RGS6: variants seen among roughly 807,000 people sequenced by gnomAD.
The protein encoded by RGS6 is regulator of G protein signaling 6.
In RGS6, 30 loss-of-function variants were observed where a neutral mutation model predicts 78.5. That is an observed-to-expected ratio of 0.38 (90% CI 0.29 to 0.52). RGS6 has a LOEUF of 0.52. Among genes scored for constraint, RGS6 ranks in the 20% least tolerant of loss-of-function variants. The probability of loss-of-function intolerance (pLI) is 0.85; values close to 1 mark genes in which losing one functional copy is unlikely to be tolerated. For synonymous variants in RGS6, 206 were observed against 206.0 expected, an observed-to-expected ratio of 1.00 and a Z score of 0.00; for missense variants, 495 against 609.7, an observed-to-expected ratio of 0.81 and a Z score of 1.98.
At chr14:72,033,582 G>C (rs1473957484) in intron 2 of RGS6, among the ~76,000 whole-genome samples, 1 of 152,150 alleles carries the variant, frequency 6.6e-6, no homozygotes, top group Non-Finnish European at 1.5e-5. Flanking sequence ...ACTGGAAATG[G>C]TGGCTCTTTG....
intron 3 of RGS6, among the ~76,000 whole-genome samples, chr14:72,402,801 T>TG (rs2092578253): frequency 7.1e-6 from 1 of 140,656 alleles, no homozygotes; most frequent in East Asian, 2.0e-4. Flanking sequence ...TTTTTTTTTT[T>TG]TTTTTTTTTT....
At chr14:72,211,702 G>A (rs1161107059) in intron 2 of RGS6, among the ~76,000 whole-genome samples, 2 of 152,038 alleles carry the variant, frequency 1.3e-5, no homozygotes, top group African/African-American at 4.8e-5. Context: ...GAATAGACTT[G>A]GGATACGAAG....
chr14:72,587,113 C>T, the RGS6 span, among the ~76,000 whole-genome samples: 16,206 of 152,098 alleles, frequency 0.11, 2,490 homozygotes, highest in African/African-American at 0.34. Context: ...GGGTCAGCCA[C>T]GTCTCTGTGT....
intron 2 of RGS6, among the ~76,000 whole-genome samples, chr14:72,296,095 A>G (rs372298768): frequency 6.6e-5 from 10 of 152,342 alleles, no homozygotes; most frequent in African/African-American, 2.4e-4. Flanking sequence ...AGGACTTTGT[A>G]TAAATGGAAT....
At chr14:71,869,743 TC>T in the RGS6 span, among the ~76,000 whole-genome samples, 1 of 152,208 alleles carries the variant, frequency 6.6e-6, no homozygotes, top group Non-Finnish European at 1.5e-5. Context: ...TGAATATTTG[TC>T]CCCTCAAAAC....
At chr14:72,469,310 G>A (rs1401509632) in intron 7 of RGS6, among the ~76,000 whole-genome samples, 4 of 151,478 alleles carry the variant, frequency 2.6e-5, no homozygotes, top group South Asian at 4.2e-4. Flanking sequence ...GGGTTCAAGC[G>A]ACTCTCCTCC....
chr14:72,585,606 G>A, the RGS6 span, among the ~76,000 whole-genome samples: 128 of 152,332 alleles, frequency 8.4e-4, 1 homozygote, highest in African/African-American at 2.8e-3. Context: ...ACCAGTCATT[G>A]GATGTGGGCT....
At chr14:72,401,807 T>C (rs962488901) in intron 3 of RGS6, among the ~76,000 whole-genome samples, 3 of 152,192 alleles carry the variant, frequency 2.0e-5, no homozygotes, top group South Asian at 2.1e-4. Flanking sequence ...GATTGGAGTC[T>C]TGCCAAACAT....
chr14:72,422,584 G>C (rs2153110567), intron 3 of RGS6, among the ~76,000 whole-genome samples: 1 of 152,266 alleles, frequency 6.6e-6, no homozygotes, highest in South Asian at 2.1e-4. Context: ...AAGAGACTGG[G>C]AGAGCCCTAT....
In RGS6 at chr14:72,459,536, G is replaced by A. The variant is rs115874212; in HGVS notation, c.343-96G>A. The A allele has an allele frequency of 2.5e-3, 2,822 of 1,124,160 alleles. 52 individuals are homozygous for A. The African/African-American group carries it at 0.039, about 16-fold the overall frequency. The allele number at this position is 1,124,160 out of a possible 1,614,324, so 69.6% of individuals were successfully genotyped here. A position where few individuals can be genotyped will look rare whatever the true frequency, so the allele number is the denominator to read the frequency against. ...GGTAGCATCAGCAAGAAGGAGATGG[G>A]GGAGAGCCTGCCATCAGGGAGGCTC... On this transcript the variant is annotated intron_variant, in intron 5 of 17. Coordinates refer to ENST00000553525, the MANE Select transcript of RGS6 (RefSeq NM_001204424.2).
intron 2 of RGS6, among the ~76,000 whole-genome samples, chr14:72,207,672 C>T (rs557555091): frequency 9.5e-4 from 145 of 152,300 alleles, no homozygotes; most frequent in Non-Finnish European, 1.1e-3. Context: ...CTCTGCCTTC[C>T]GGTTTCAGCT....
At chr14:72,059,179 C>T (rs765625476) in intron 2 of RGS6, among the ~76,000 whole-genome samples, 1 of 152,156 alleles carries the variant, frequency 6.6e-6, no homozygotes, top group African/African-American at 2.4e-5. Flanking sequence ...GGATTACAGG[C>T]GTGAGCCACC....
chr14:72,389,084 C>T (rs1026497543), intron 3 of RGS6, among the ~76,000 whole-genome samples: 9 of 152,132 alleles, frequency 5.9e-5, no homozygotes, highest in African/African-American at 2.2e-4. Context: ...GTCTCGGGTC[C>T]ATGTGCTGGA....
At chr14:72,618,233 C>G in the RGS6 span, among the ~76,000 whole-genome samples, 1 of 152,196 alleles carries the variant, frequency 6.6e-6, no homozygotes, top group Admixed American at 6.5e-5. Context: ...CCAGTCAGGT[C>G]TCAGTAGACA....
chr14:72,409,369 C>G (rs2093211755), intron 3 of RGS6, among the ~76,000 whole-genome samples: 1 of 152,074 alleles, frequency 6.6e-6, no homozygotes, highest in Non-Finnish European at 1.5e-5. Flanking sequence ...AGTAGAAAGT[C>G]CCTAGTTAGA....
intron 15 of RGS6, among the ~76,000 whole-genome samples, chr14:72,535,471 T>A (rs1418406738): frequency 2.6e-5 from 4 of 152,212 alleles, no homozygotes; most frequent in African/African-American, 9.6e-5. Context: ...TTTGCCCCAA[T>A]GGCAACATCT....
intron 2 of RGS6, among the ~76,000 whole-genome samples, chr14:72,317,241 CAATAATAATAACAAT>C (rs1006639605): frequency 4.6e-5 from 7 of 151,846 alleles, no homozygotes; most frequent in African/African-American, 1.7e-4. Context: ...GTATTGCTGC[CAATAATAATAACAAT>C]AATAATAATA....
chr14:71,944,577 G>C (rs1266989281), intron 1 of RGS6, among the ~76,000 whole-genome samples: 1 of 152,198 alleles, frequency 6.6e-6, no homozygotes, highest in African/African-American at 2.4e-5. Context: ...TTGTAAGTCA[G>C]ATTTGGTAGC....
intron 3 of RGS6, among the ~76,000 whole-genome samples, chr14:72,427,654 C>T (rs1202027558): frequency 3.3e-5 from 5 of 152,072 alleles, no homozygotes; most frequent in South Asian, 2.1e-4. Context: ...AACTCCTCCT[C>T]GTTCAGGGTA....
Sources: allele counts gnomAD v4.1 joint callset (sites outside exome capture counted in the v4.1 genomes callset), GRCh38; gene constraint gnomAD v4.1.1; transcripts MANE v1.5; gene names NCBI Gene and HGNC (gene_info 2026-07-23, HGNC 2026-07-21).